The following CDH13 variants were observed in gnomAD, a reference collection of about 807,000 sequenced individuals.
CDH13 encodes cadherin 13, also known as cadherin-13.
In CDH13, 24 loss-of-function variants were observed where a neutral mutation model predicts 63.8. That is an observed-to-expected ratio of 0.38 (90% confidence interval 0.27 to 0.53). The LOEUF (loss-of-function observed/expected upper bound fraction) is 0.53. Ranked by LOEUF, CDH13 falls within the 20% of genes least tolerant of loss-of-function variation. The probability of loss-of-function intolerance (pLI) is 0.85; values close to 1 mark genes in which losing one functional copy is unlikely to be tolerated. For synonymous variants in CDH13, 503 were observed against 355.3 expected (o/e 1.42, Z -4.67); for missense variants, 1,049 against 903.1 (o/e 1.16, Z -2.07).
Position 82,770,977 on chromosome 16 carries a change from A to G in CDH13, c.46-87385A>G, listed in dbSNP as rs1006554806. Among the ~76,000 whole-genome samples the G allele has an allele frequency of 3.3e-5, 5 of 152,288 alleles. No individual in the cohort carries two copies. In the East Asian group the frequency reaches 9.7e-4, roughly 29 times the overall value. Reference sequence around the variant, plus strand: ...CAATCCCCCCGCTTCGGCCTCCCAAAGTGCTAGGATTACAGCCGTGAGCCA... The same window carrying G: ...CAATCCCCCCGCTTCGGCCTCCCAAGGTGCTAGGATTACAGCCGTGAGCCA... On this transcript the variant is annotated intron_variant, in intron 1 of 13. Coordinates refer to ENST00000567109, the MANE Select transcript of CDH13 (RefSeq NM_001257.5).
At chr16:83,066,695 A>G (rs1468000341) in intron 3 of CDH13, among the ~76,000 whole-genome samples, 1 of 152,226 alleles carries the variant, frequency 6.6e-6, no homozygotes, top group Admixed American at 6.5e-5. Context: ...ACAAAGTCCA[A>G]ACGATCAGCA....
chr16:83,574,579 G>T (rs1349062935), intron 7 of CDH13, among the ~76,000 whole-genome samples: 6 of 152,204 alleles, frequency 3.9e-5, no homozygotes, highest in African/African-American at 1.4e-4. Context: ...ACACCTGTGA[G>T]TCACTGCAGC....
intron 5 of CDH13, among the ~76,000 whole-genome samples, chr16:83,265,311 G>T (rs960494013): frequency 1.3e-5 from 2 of 151,888 alleles, no homozygotes; most frequent in African/African-American, 2.4e-5. Flanking sequence ...TTCCTTCCTG[G>T]TTAACCTCTG....
chr16:83,602,281 G>A (rs1332375812), intron 7 of CDH13, among the ~76,000 whole-genome samples, 173 bp from the exon 8 acceptor site: 1 of 152,040 alleles, frequency 6.6e-6, no homozygotes, highest in African/African-American at 2.4e-5. Flanking sequence ...TTATATTGAA[G>A]AGATTCCAAA....
At chr16:83,216,059 C>G (rs1389459502) in intron 4 of CDH13, among the ~76,000 whole-genome samples, 1 of 151,410 alleles carries the variant, frequency 6.6e-6, no homozygotes, top group African/African-American at 2.4e-5. Flanking sequence ...CAGTAACTCA[C>G]GATTTGCAAA....
At chr16:83,678,124 C>G (rs964107890) in intron 9 of CDH13, 84 bp from the exon 10 acceptor site, 2 of 1,444,408 alleles carry the variant, frequency 1.4e-6, no homozygotes, top group Admixed American at 1.9e-5. Flanking sequence ...CACTGTTGCT[C>G]GTGGAATTTC....
chr16:82,850,524 A>G (rs1222943121), intron 1 of CDH13, among the ~76,000 whole-genome samples: 1 of 152,240 alleles, frequency 6.6e-6, no homozygotes, highest in African/African-American at 2.4e-5. Context: ...AAAGACAATA[A>G]AGGATTTAGA....
intron 7 of CDH13, among the ~76,000 whole-genome samples, chr16:83,546,118 A>G (rs2075381373): frequency 6.6e-6 from 1 of 152,214 alleles, no homozygotes; most frequent in Non-Finnish European, 1.5e-5. Flanking sequence ...TGATGAGGCA[A>G]TCAGAAAGAG....
At chr16:83,204,891 C>G (rs895371802) in intron 4 of CDH13, among the ~76,000 whole-genome samples, 6 of 152,228 alleles carry the variant, frequency 3.9e-5, no homozygotes, top group African/African-American at 1.4e-4. Context: ...TATCTAGGCA[C>G]ACTAGAGTTC....
rs1227187014 is a variant in CDH13 at position 83,500,276 on chromosome 16, CTT to C, written c.960+13622_960+13623del. 8.1e-3 allele frequency among the ~76,000 whole-genome samples: 23 copies of C among 2,830 alleles called. 10 individuals carry two copies. Among genetic ancestry groups the C allele is most frequent in the Admixed American group, 0.018 (2 of 114 alleles). 1.9% of individuals were successfully genotyped at this position (2,830 alleles called of 152,430 possible). A position where few individuals can be genotyped will look rare whatever the true frequency, so the allele number is the denominator to read the frequency against. On this transcript the variant is annotated intron_variant, in intron 7 of 13. Coordinates refer to ENST00000567109, the MANE Select transcript of CDH13 (RefSeq NM_001257.5). ...TCTTCTTCTTCTTCTTCTTCTTCTT[CTT>C]CTTCTTCTTCTTCTTCTCCTTCTCC...
At chr16:82,896,328 G>C (rs1446927156) in intron 2 of CDH13, among the ~76,000 whole-genome samples, 2 of 115,868 alleles carry the variant, frequency 1.7e-5, no homozygotes, top group Non-Finnish European at 3.3e-5. Context: ...GTCTTCCTCT[G>C]TCTCCCAGGC....
At chr16:82,925,785 A>G (rs529279648) in intron 2 of CDH13, among the ~76,000 whole-genome samples, 2 of 152,200 alleles carry the variant, frequency 1.3e-5, no homozygotes, top group African/African-American at 2.4e-5. Flanking sequence ...CCTTGACCTC[A>G]ATAATATACC....
At chr16:83,773,874 G>T (rs369763145) in intron 11 of CDH13, among the ~76,000 whole-genome samples, 27 of 152,168 alleles carry the variant, frequency 1.8e-4, no homozygotes, top group African/African-American at 5.8e-4. Context: ...ACCCCACAGA[G>T]GCCCATTTCT....
intron 13 of CDH13, among the ~76,000 whole-genome samples, chr16:83,791,712 G>A (rs1916277955): frequency 6.6e-6 from 1 of 150,584 alleles, no homozygotes; most frequent in South Asian, 2.1e-4. Context: ...TCAGGAGGCT[G>A]AGGCAGGAGA....
intron 6 of CDH13, among the ~76,000 whole-genome samples, chr16:83,402,222 G>T (rs2091979408): frequency 6.6e-6 from 1 of 152,138 alleles, no homozygotes; most frequent in African/African-American, 2.4e-5. Context: ...TGCTGCTAAA[G>T]TAGCAAAACT....
At chr16:82,825,728 G>T (rs2038215550) in intron 1 of CDH13, 1 of 151,634 alleles carries the variant, frequency 6.6e-6, no homozygotes, top group East Asian at 2.0e-4. Flanking sequence ...TGTGTTATTA[G>T]TAGAGATGGG....
At chr16:83,149,882 G>A (rs1274176498) in intron 4 of CDH13, among the ~76,000 whole-genome samples, 1 of 152,198 alleles carries the variant, frequency 6.6e-6, no homozygotes, top group African/African-American at 2.4e-5. Context: ...AATATTACAA[G>A]TCAGGTCTTT....
At chr16:83,299,372 T>C (rs552208629) in intron 5 of CDH13, among the ~76,000 whole-genome samples, 1 of 152,258 alleles carries the variant, frequency 6.6e-6, no homozygotes, top group African/African-American at 2.4e-5. Context: ...CCTTAAACTT[T>C]CTGGCTCATG....
chr16:82,899,289 C>T (rs1461869413), intron 2 of CDH13, among the ~76,000 whole-genome samples: 1 of 151,986 alleles, frequency 6.6e-6, no homozygotes, highest in Non-Finnish European at 1.5e-5. Flanking sequence ...ACCCATGGTC[C>T]CTAGAGTCCA....
Sources: gnomAD v4.1 joint callset for allele counts (sites outside exome capture counted in the v4.1 genomes callset) on GRCh38, gnomAD v4.1.1 for gene constraint, MANE v1.5 for transcripts, NCBI Gene and HGNC (gene_info 2026-07-23, HGNC 2026-07-21) for gene names.